The following CARD14 variants were observed in gnomAD, a reference collection of about 807,000 sequenced individuals.
CARD14 encodes caspase recruitment domain family member 14, also known as caspase recruitment domain-containing protein 14.
Under a neutral mutation model 111.5 loss-of-function variants are expected in CARD14, and 107 were observed. That is an observed-to-expected ratio of 0.96 (90% confidence interval 0.82 to 1.13). The LOEUF (loss-of-function observed/expected upper bound fraction) is 1.13. Among genes scored for constraint, CARD14 ranks in the 50% most tolerant of loss-of-function variants. CARD14 has a pLI of 0.00. For synonymous variants in CARD14, 617 were observed against 579.6 expected, an observed-to-expected ratio of 1.06 and a Z score of -0.93; for missense variants, 1,322 against 1,362.3, an observed-to-expected ratio of 0.97 and a Z score of 0.47.
rs145139255 is a variant in CARD14 at position 80,195,492 on chromosome 17, T to C, written c.1500-66T>C. On this transcript the variant is annotated intron_variant, in intron 13 of 23. Coordinates refer to ENST00000648509, the MANE Select transcript of CARD14 (RefSeq NM_001366385.1). This position sits in a 1 kb window ranked among gnomAD's most constrained non-coding sequence, Gnocchi z 4.7. ...CTGGCAGGTGCTGGGGGCCAGTGCT[T>C]GGGGCGTGGGGACTCAGAGGGAGCA... 7.3e-4 allele frequency: 1,123 copies of C among 1,531,418 alleles called. 8 individuals are homozygous for C. In the African/African-American group the frequency reaches 0.014, roughly 19 times the overall value. The allele number at this position is 1,531,418 out of a possible 1,614,324, so 94.9% of individuals were successfully genotyped here. A position where few individuals can be genotyped will look rare whatever the true frequency, so the allele number is the denominator to read the frequency against.
At chr17:80,190,349 C>G (rs1396196664) in intron 9 of CARD14, among the ~76,000 whole-genome samples, 1 of 152,074 alleles carries the variant, frequency 6.6e-6, no homozygotes, top group Non-Finnish European at 1.5e-5. Context: ...GCGCGGTGGC[C>G]CACGCATGTA....
At chr17:80,185,108 G>A (rs1035507216) in intron 7 of CARD14, among the ~76,000 whole-genome samples, 1 of 152,098 alleles carries the variant, frequency 6.6e-6, no homozygotes, top group Non-Finnish European at 1.5e-5. Flanking sequence ...AGGCTGGAGT[G>A]CAGTGGTACA....
intron 7 of CARD14, among the ~76,000 whole-genome samples, chr17:80,185,766 C>T (rs1011366089): frequency 2.6e-5 from 4 of 152,210 alleles, no homozygotes; most frequent in African/African-American, 4.8e-5. Context: ...TATGAGGTGG[C>T]CCTCTTTAAA....
rs201906803 is a variant in CARD14, at chr17:80,195,339, G to A, written c.1499+6G>A. ...GAAGAACCCTGGTCTTTCAGGTAGA[G>A]CACTGGGGTCCTTCCTGGCACTGGG... On this transcript the variant is annotated splice_donor_region_variant and intron_variant, in intron 13 of 23. Coordinates refer to ENST00000648509, the MANE Select transcript of CARD14 (RefSeq NM_001366385.1). This position sits in a 1 kb window ranked among gnomAD's most constrained non-coding sequence, Gnocchi z 4.7. 7 of 1,605,206 alleles carry A rather than the reference G, an allele frequency of 4.4e-6. No individual in the cohort carries two copies. The African/African-American group carries it at 9.3e-5, about 21-fold the overall frequency.
chr17:80,178,110 C>A (rs998202239), intron 2 of CARD14, among the ~76,000 whole-genome samples: 4 of 152,168 alleles, frequency 2.6e-5, no homozygotes, highest in African/African-American at 9.7e-5. Context: ...TCCTCCTCAC[C>A]TGCCCACCCC....
chr17:80,188,000 G>C (rs997261875), intron 7 of CARD14: 4 of 985,042 alleles, frequency 4.1e-6, no homozygotes, highest in Admixed American at 1.2e-4. Context: ...TCCCTTTCTT[G>C]ATGTATTTAG....
chr17:80,204,930 G>A, intron 20 of CARD14, 105 bp from the exon 21 acceptor site: 2 of 940,550 alleles, frequency 2.1e-6, no homozygotes, highest in African/African-American at 1.6e-5. Flanking sequence ...TCTAGGTGCT[G>A]GGGCTGCTGC....
rs1294527395 is a variant in CARD14, at chr17:80,198,869, T to G, written c.1851+278T>G. 6.9e-7 allele frequency: 1 copy of G among 1,442,540 alleles called. No individual in the cohort carries two copies. The highest frequency in any genetic ancestry group is 2.4e-5 in the East Asian group (1 of 41,248). 89.4% of individuals were successfully genotyped at this position (1,442,540 alleles called of 1,614,324 possible). ...CCCTTGACAGGGCTGCTCTGGGTGGTCACTTTGGGTGTGTACAGTAAAATA... is the reference window on the plus strand; with the variant it reads ...CCCTTGACAGGGCTGCTCTGGGTGGGCACTTTGGGTGTGTACAGTAAAATA... On this transcript the variant is annotated intron_variant, in intron 16 of 23. Coordinates refer to ENST00000648509, the MANE Select transcript of CARD14 (RefSeq NM_001366385.1). The surrounding 1 kb of genome is among the most constrained non-coding windows in gnomAD (Gnocchi z 7.5).
In CARD14 at chr17:80,202,199, G is replaced by A. The variant is rs142087113; in HGVS notation, c.1998G>A (p.Gln666=). The A allele has an allele frequency of 7.1e-5, 115 of 1,613,776 alleles. 1 individual carries two copies. The Admixed American group carries it at 9.2e-4, about 13-fold the overall frequency. The change falls in exon 18 of 24, where the codon CAG becomes CAA. Residue 666 remains glutamine, a synonymous_variant. Coordinates refer to ENST00000648509, the MANE Select transcript of CARD14 (RefSeq NM_001366385.1). The stretch of plus-strand genomic sequence containing the variant: ...TATCAGGTTATAAGAGGCTACTCCA[G>A]GACCTGGAGGCCAAAGTGGCGACCT... ...VNTDGYKRLL[Q]DLEAKVATSG...
intron 23 of CARD14, among the ~76,000 whole-genome samples, chr17:80,207,924 T>C (rs2041429908): frequency 6.6e-6 from 1 of 152,002 alleles, no homozygotes; most frequent in Non-Finnish European, 1.5e-5. Context: ...GATGTCCTGC[T>C]ACTGTGCCCT....
At chr17:80,184,265 C>CTA (rs747124479) in intron 7 of CARD14, 27 bp downstream of exon 7, 2 of 1,469,240 alleles carry the variant, frequency 1.4e-6, no homozygotes, top group Non-Finnish European at 9.1e-7. Flanking sequence ...CACCCCGGCG[C>CTA]GACCCTGCTG....
intron 10 of CARD14, 73 bp from the exon 11 acceptor site, chr17:80,191,250 A>T (rs2040517046): frequency 6.5e-7 from 1 of 1,549,884 alleles, no homozygotes. Context: ...GGCTAGAAAC[A>T]GGGCTCTCCT....
chr17:80,183,366 G>A (rs368891875), intron 6 of CARD14, among the ~76,000 whole-genome samples: 29 of 152,254 alleles, frequency 1.9e-4, no homozygotes, highest in African/African-American at 6.0e-4. Flanking sequence ...CATTTTCCCT[G>A]TGTTCCAGCA....
chr17:80,189,603 G>A lies in CARD14; in HGVS notation c.844-150G>A, dbSNP rs867963085. On this transcript the variant is annotated intron_variant, in intron 8 of 23. Transcript: ENST00000648509. The surrounding 1 kb of genome is among the most constrained non-coding windows in gnomAD (Gnocchi z 4.7). ...CCCAGGCATGATGGGTGGCTTTTCC[G>A]TGGCTTCTCTCCTGCCCGGTGTAGA... 1.5e-5 allele frequency: 16 copies of A among 1,032,462 alleles called. No individual in the cohort carries two copies. The highest frequency in any genetic ancestry group is 3.3e-4 in the Middle Eastern group (1 of 3,060). 64.0% of individuals were successfully genotyped at this position (1,032,462 alleles called of 1,614,324 possible). A position where few individuals can be genotyped will look rare whatever the true frequency, so the allele number is the denominator to read the frequency against.
chr17:80,192,539 C>A lies in CARD14; in HGVS notation c.1276C>A (p.Arg426=), dbSNP rs201308755. The change falls in exon 12 of 24, where the codon CGG becomes AGG. Residue 426 remains arginine (R), a synonymous_variant. Coordinates refer to ENST00000648509, the MANE Select transcript of CARD14 (RefSeq NM_001366385.1). Reference sequence around the variant, plus strand: ...AGCCAGGACCAGGGAGCCCTGTCCACGGGAGAAGCAGCGGCTGGTGCGGAT... The same window carrying A: ...AGCCAGGACCAGGGAGCCCTGTCCAAGGGAGAAGCAGCGGCTGGTGCGGAT... ...QEARTREPCP[R]EKQRLVRMHA... 2 of 1,613,564 alleles carry A rather than the reference C, an allele frequency of 1.2e-6. No homozygotes were observed. Among genetic ancestry groups the A allele is most frequent in the African/African-American group, 2.7e-5 (2 of 74,916 alleles).
rs1317066370 is a variant in CARD14 at position 80,190,305 on chromosome 17, C to T, written c.963+433C>T. 2.6e-5 allele frequency among the ~76,000 whole-genome samples: 4 copies of T among 152,172 alleles called. No individual in the cohort carries two copies. The East Asian group carries it at 5.8e-4, about 22-fold the overall frequency. Reference sequence around the variant, plus strand: ...CCTAAGCAACTTTCTAGATGCACCTCGAAATCTAGCACTTAAGAGACGAGC... The same window carrying T: ...CCTAAGCAACTTTCTAGATGCACCTTGAAATCTAGCACTTAAGAGACGAGC... On this transcript the variant is annotated intron_variant, in intron 9 of 23. Coordinates refer to ENST00000648509, the MANE Select transcript of CARD14 (RefSeq NM_001366385.1).
At position 80,208,201 on chromosome 17, in the gene CARD14, G is replaced by A. The variant is rs373510767; in HGVS notation, c.2871G>A (p.Glu957=). The change falls in exon 24 of 24, where the codon GAG becomes GAA. Residue 957 remains glutamate, a synonymous_variant. Transcript: ENST00000648509. Reference sequence around the variant, plus strand: ...TCCTGGAGGCTGCGAGGCAGGAGGAGGGAGACCTGGACCGGGCGCCCTGTC... The same window carrying A: ...TCCTGGAGGCTGCGAGGCAGGAGGAAGGAGACCTGGACCGGGCGCCCTGTC... ...EQLLEAARQE[E]GDLDRAPCLY... 2 of 1,554,908 alleles carry A rather than the reference G, an allele frequency of 1.3e-6. No individual in the cohort carries two copies. Among genetic ancestry groups the A allele is most frequent in the Non-Finnish European group, 1.7e-6 (2 of 1,149,148 alleles).
rs374706201 is a variant in CARD14, at chr17:80,191,280, G to A, written c.1090-43G>A. The A allele has an allele frequency of 1.3e-5, 20 of 1,593,058 alleles. No homozygotes were observed. In the African/African-American group the frequency reaches 1.5e-4, roughly 12 times the overall value. Reference sequence around the variant, plus strand: ...TCTCCTTCTCTAGCTGAGGCTCCCCGGTGGTGATGGCGCGGCCTCCTTACT... The same window carrying A: ...TCTCCTTCTCTAGCTGAGGCTCCCCAGTGGTGATGGCGCGGCCTCCTTACT... On this transcript the variant is annotated intron_variant, in intron 10 of 23. Coordinates refer to ENST00000648509, the MANE Select transcript of CARD14 (RefSeq NM_001366385.1).
intron 20 of CARD14, chr17:80,204,727 C>G (rs1275612313): frequency 7.2e-6 from 3 of 416,888 alleles, no homozygotes; most frequent in Non-Finnish European, 1.3e-5. Flanking sequence ...TCTCCCAGAT[C>G]CTTTGGAAGG....
Sources: allele counts gnomAD v4.1 joint callset (sites outside exome capture counted in the v4.1 genomes callset), GRCh38; gene constraint gnomAD v4.1.1; non-coding constraint Gnocchi (gnomAD v3.1); transcripts MANE v1.5; gene names NCBI Gene and HGNC (gene_info 2026-07-23, HGNC 2026-07-21).